The following CSMD3 variants were observed in gnomAD, a reference collection of about 807,000 sequenced individuals.
CSMD3 encodes the protein CUB and sushi domain-containing protein 3.
Under a neutral mutation model 435.2 loss-of-function variants are expected in CSMD3, and 177 were observed. That is an observed-to-expected ratio of 0.41 (90% CI 0.36 to 0.46). CSMD3 has a LOEUF of 0.46. CSMD3 is among the 20% of genes least tolerant of loss of function. CSMD3 has a pLI of 0.34. For synonymous variants in CSMD3, 1,656 were observed against 1,520.5 expected (o/e 1.09, Z -2.07); for missense variants, 4,265 against 4,504.6 (o/e 0.95, Z 1.52).
chr8:113,013,628 A>G (rs2086340850), intron 6 of CSMD3, among the ~76,000 whole-genome samples: 1 of 152,052 alleles, frequency 6.6e-6, no homozygotes, highest in Non-Finnish European at 1.5e-5. Context: ...GAAACCTAAA[A>G]GGACAGGAAC....
At chr8:112,976,173 G>A (rs2084840549) in intron 6 of CSMD3, 25 bp from the exon 7 acceptor site, 5 of 1,611,352 alleles carry the variant, frequency 3.1e-6, no homozygotes, top group Admixed American at 1.7e-5. Context: ...AGCACTAGAT[G>A]CTAACTTTTT....
chr8:113,269,441 C>T (rs1421187427), intron 3 of CSMD3, among the ~76,000 whole-genome samples: 1 of 152,020 alleles, frequency 6.6e-6, no homozygotes, highest in Non-Finnish European at 1.5e-5. Flanking sequence ...ACTTTCTTCA[C>T]AGAATTGGAA....
intron 1 of CSMD3, among the ~76,000 whole-genome samples, chr8:113,403,047 C>T (rs1217775174): frequency 2.0e-5 from 3 of 151,246 alleles, no homozygotes; most frequent in Admixed American, 2.0e-4. Context: ...TTTTTCAGTC[C>T]TTACTCTGAC....
At chr8:113,359,162 T>C (rs1205949079) in intron 1 of CSMD3, among the ~76,000 whole-genome samples, 1 of 152,202 alleles carries the variant, frequency 6.6e-6, no homozygotes, top group African/African-American at 2.4e-5. Context: ...TGACCAACTA[T>C]GATTCTGGCA....
intron 16 of CSMD3, among the ~76,000 whole-genome samples, chr8:112,672,826 G>A (rs1418333880): frequency 6.6e-6 from 1 of 152,010 alleles, no homozygotes; most frequent in Admixed American, 6.6e-5. Flanking sequence ...TAAGAAGAAA[G>A]GATACATTCA....
At position 113,064,684 on chromosome 8, in the gene CSMD3, T is replaced by C. The variant is rs547338757; in HGVS notation, c.917+34072A>G. On this transcript the variant is annotated intron_variant, in intron 5 of 70. Coordinates refer to ENST00000297405, the MANE Select transcript of CSMD3 (RefSeq NM_198123.2). The stretch of plus-strand genomic sequence containing the variant: ...AGCTTGAGAGAGCTGATTCTGTTCA[T>C]TTCTTTGTAACTCCATGTTCAGTGA... 3.7e-4 allele frequency among the ~76,000 whole-genome samples: 56 copies of C among 152,332 alleles called. No individual in the cohort carries two copies. In the East Asian group the frequency reaches 7.7e-3, roughly 21 times the overall value.
intron 4 of CSMD3, among the ~76,000 whole-genome samples, chr8:113,165,366 A>C (rs900983228): frequency 6.6e-6 from 1 of 152,202 alleles, no homozygotes; most frequent in Non-Finnish European, 1.5e-5. Context: ...TTCTTCAAAA[A>C]TGTAAACTTT....
chr8:113,191,168 T>C (rs1341272111), intron 3 of CSMD3, among the ~76,000 whole-genome samples: 1 of 151,840 alleles, frequency 6.6e-6, no homozygotes. Flanking sequence ...GTTTAAGAGA[T>C]AAATAATGCA....
At chr8:112,511,538 T>C (rs1033186531) in intron 28 of CSMD3, among the ~76,000 whole-genome samples, 5 of 151,812 alleles carry the variant, frequency 3.3e-5, no homozygotes, top group Admixed American at 6.6e-5. Flanking sequence ...TACAGGCGCC[T>C]GCCACCATGC....
intron 30 of CSMD3, among the ~76,000 whole-genome samples, chr8:112,494,904 C>T (rs1821183103): frequency 6.6e-6 from 1 of 151,982 alleles, no homozygotes; most frequent in African/African-American, 2.4e-5. Context: ...AGCTAAATGA[C>T]TTGATCTTCT....
At chr8:113,011,164 A>G (rs2086242277) in intron 6 of CSMD3, among the ~76,000 whole-genome samples, 1 of 151,780 alleles carries the variant, frequency 6.6e-6, no homozygotes, top group Non-Finnish European at 1.5e-5. Flanking sequence ...AAAAAAGATA[A>G]AGGAAATAAT....
chr8:113,142,824 C>T (rs1209311597), intron 4 of CSMD3, among the ~76,000 whole-genome samples: 1 of 149,920 alleles, frequency 6.7e-6, no homozygotes, highest in Non-Finnish European at 1.5e-5. Context: ...GTGATTATTA[C>T]CCATTGTATG....
intron 5 of CSMD3, among the ~76,000 whole-genome samples, chr8:113,060,936 T>C (rs918309687): frequency 2.0e-5 from 3 of 152,120 alleles, no homozygotes; most frequent in Non-Finnish European, 4.4e-5. Context: ...CCTTGAAAAA[T>C]AGTCTTTACA....
intron 38 of CSMD3, among the ~76,000 whole-genome samples, chr8:112,359,208 G>A (rs1309856316): frequency 1.3e-5 from 2 of 151,992 alleles, no homozygotes; most frequent in Non-Finnish European, 2.9e-5. Context: ...GTATACATAC[G>A]GATTTCATTT....
chr8:113,399,078 CATATATATATATATAT>C (rs764141337), intron 1 of CSMD3, among the ~76,000 whole-genome samples: 2 of 90,868 alleles, frequency 2.2e-5, no homozygotes, highest in African/African-American at 9.7e-5. Context: ...AAGGATAGTT[CATATATATATATATAT>C]ATATATATAT....
At chr8:112,932,005 A>T (rs2083124453) in intron 9 of CSMD3, among the ~76,000 whole-genome samples, 1 of 152,154 alleles carries the variant, frequency 6.6e-6, no homozygotes, top group South Asian at 2.1e-4. Context: ...TGGAGATGTA[A>T]ATTAGTACAG....
intron 12 of CSMD3, among the ~76,000 whole-genome samples, chr8:112,815,613 C>G (rs1389211939): frequency 6.6e-6 from 1 of 152,060 alleles, no homozygotes; most frequent in Non-Finnish European, 1.5e-5. Flanking sequence ...ATGCCTGCTA[C>G]AGTGCAAATA....
chr8:112,970,531 A>C (rs938265929), intron 7 of CSMD3, among the ~76,000 whole-genome samples: 1 of 151,974 alleles, frequency 6.6e-6, no homozygotes, highest in African/African-American at 2.4e-5. Flanking sequence ...TATTTTGTAA[A>C]TAAAAAGTCA....
intron 3 of CSMD3, among the ~76,000 whole-genome samples, chr8:113,199,945 T>C (rs535956236): frequency 6.6e-6 from 1 of 151,972 alleles, no homozygotes; most frequent in African/African-American, 2.4e-5. Context: ...GTAATGAGAA[T>C]AGTGTTTGAT....
Sources: gnomAD v4.1 joint callset for allele counts (sites outside exome capture counted in the v4.1 genomes callset) on GRCh38, gnomAD v4.1.1 for gene constraint, MANE v1.5 for transcripts, NCBI Gene and HGNC (gene_info 2026-07-23, HGNC 2026-07-21) for gene names.